Variants in GRID1 observed in about 807,000 individuals in gnomAD.
The protein encoded by GRID1 is glutamate receptor ionotropic, delta-1.
GRID1 carries 28 observed loss-of-function variants against 98.0 expected under a neutral mutation model. That is an observed-to-expected ratio of 0.29 (90% CI 0.21 to 0.39). The LOEUF is 0.39. Ranked by LOEUF, GRID1 falls within the 10% of genes least tolerant of loss-of-function variation. The pLI is 1.00. For synonymous variants in GRID1, 553 were observed against 538.5 expected, an observed-to-expected ratio of 1.03 and a Z score of -0.37; for missense variants, 1,111 against 1,340.5, an observed-to-expected ratio of 0.83 and a Z score of 2.67.
At chr10:86,270,560 C>T (rs763976598) in intron 2 of GRID1, among the ~76,000 whole-genome samples, 10 of 152,102 alleles carry the variant, frequency 6.6e-5, no homozygotes, top group Middle Eastern at 6.8e-3. Context: ...TGTGGTGGTG[C>T]GTGCCTGTAA....
intron 2 of GRID1, among the ~76,000 whole-genome samples, chr10:86,341,088 C>T (rs538864076): frequency 1.3e-5 from 2 of 152,302 alleles, no homozygotes; most frequent in South Asian, 2.1e-4. Flanking sequence ...TTTACCTCCT[C>T]CTGGGCACTT....
intron 12 of GRID1, among the ~76,000 whole-genome samples, chr10:85,697,124 T>C (rs778833120): frequency 6.6e-6 from 1 of 152,184 alleles, no homozygotes; most frequent in Non-Finnish European, 1.5e-5. Context: ...GTTCCATAAA[T>C]GTCAATTATG....
At chr10:85,693,059 A>G (rs186525314) in intron 12 of GRID1, among the ~76,000 whole-genome samples, 55 of 152,316 alleles carry the variant, frequency 3.6e-4, no homozygotes, top group East Asian at 1.9e-4. Flanking sequence ...TGTACTTACA[A>G]TATGGAGAAA....
At chr10:86,153,864 G>T (rs1240316254) in intron 3 of GRID1, among the ~76,000 whole-genome samples, 1 of 151,740 alleles carries the variant, frequency 6.6e-6, no homozygotes, top group South Asian at 2.1e-4. Context: ...TCTTGGGCCA[G>T]ATTACAAATG....
intron 5 of GRID1, among the ~76,000 whole-genome samples, chr10:85,874,390 A>C (rs1245453299): frequency 6.6e-6 from 1 of 152,068 alleles, no homozygotes; most frequent in Non-Finnish European, 1.5e-5. Context: ...TGACTTCCTA[A>C]TATTTGACAG....
At chr10:86,284,577 G>A (rs1847402454) in intron 2 of GRID1, among the ~76,000 whole-genome samples, 1 of 152,208 alleles carries the variant, frequency 6.6e-6, no homozygotes, top group Non-Finnish European at 1.5e-5. Flanking sequence ...GCTCCCAGGT[G>A]GGGGCCAACA....
At chr10:86,179,687 C>G (rs1209438461) in intron 3 of GRID1, among the ~76,000 whole-genome samples, 1 of 152,188 alleles carries the variant, frequency 6.6e-6, no homozygotes, top group Non-Finnish European at 1.5e-5. Context: ...CTCAGGGCCA[C>G]AGCCAATCAA....
chr10:86,120,582 C>T (rs1459502342), intron 4 of GRID1, among the ~76,000 whole-genome samples: 2 of 152,118 alleles, frequency 1.3e-5, no homozygotes, highest in African/African-American at 4.8e-5. Flanking sequence ...CAATCCAGGG[C>T]TTTTGTTCCT....
intron 2 of GRID1, among the ~76,000 whole-genome samples, chr10:86,260,085 G>A (rs1846992201): frequency 6.6e-6 from 1 of 152,222 alleles, no homozygotes; most frequent in African/African-American, 2.4e-5. Flanking sequence ...CTCACCCCAT[G>A]GAACACCTGT....
At chr10:86,123,604 C>A (rs976990523) in intron 4 of GRID1, among the ~76,000 whole-genome samples, 4 of 152,170 alleles carry the variant, frequency 2.6e-5, no homozygotes, top group South Asian at 2.1e-4. Context: ...AGCAGCCCTG[C>A]CTGATTCTCA....
intron 2 of GRID1, among the ~76,000 whole-genome samples, chr10:86,282,716 G>A (rs552330769): frequency 6.6e-6 from 1 of 152,150 alleles, no homozygotes; most frequent in East Asian, 1.9e-4. Context: ...AGGGATTGTG[G>A]CCCTTCCCTG....
intron 3 of GRID1, among the ~76,000 whole-genome samples, chr10:86,156,013 G>C (rs1232692462): frequency 1.3e-5 from 2 of 152,188 alleles, no homozygotes; most frequent in Admixed American, 1.3e-4. Context: ...CTTCCTAGCT[G>C]AGCACTGTCC....
At chr10:86,056,240 A>C (rs1843570587) in intron 4 of GRID1, among the ~76,000 whole-genome samples, 1 of 152,206 alleles carries the variant, frequency 6.6e-6, no homozygotes, top group South Asian at 2.1e-4. Flanking sequence ...CTTGGAGGGC[A>C]TTAACTCCAA....
chr10:85,921,157 A>G (rs1022459606), intron 4 of GRID1, among the ~76,000 whole-genome samples: 1 of 152,234 alleles, frequency 6.6e-6, no homozygotes, highest in Non-Finnish European at 1.5e-5. Flanking sequence ...GTACTGGCAC[A>G]TGAGACAGCT....
In GRID1 at chr10:85,663,527, T is replaced by C. The variant is rs113545035; in HGVS notation, c.1998-16130A>G. Among the ~76,000 whole-genome samples, 11 of 152,308 alleles carry C rather than the reference T, an allele frequency of 7.2e-5. 1 individual carries two copies. The highest frequency in any genetic ancestry group is 2.4e-4 in the African/African-American group (10 of 41,580). ...CTAAACCACTCAGTTTGTGACACTT[T>C]GTTCACAGTACCCCTAAGAAACTAA... On this transcript the variant is annotated intron_variant, in intron 12 of 15. Coordinates refer to ENST00000327946, the MANE Select transcript of GRID1 (RefSeq NM_017551.3).
intron 2 of GRID1, among the ~76,000 whole-genome samples, chr10:86,354,562 GC>G (rs1230044787): frequency 2.0e-5 from 3 of 152,216 alleles, no homozygotes; most frequent in Non-Finnish European, 4.4e-5. Flanking sequence ...CCCAAGGCAG[GC>G]CCATTTCACA....
At chr10:85,949,658 A>G (rs528538762) in intron 4 of GRID1, among the ~76,000 whole-genome samples, 49 of 152,316 alleles carry the variant, frequency 3.2e-4, no homozygotes, top group African/African-American at 1.2e-3. Flanking sequence ...TGGCATCTCC[A>G]AAGACTAACT....
chr10:85,938,461 G>C (rs1450963213), intron 4 of GRID1, among the ~76,000 whole-genome samples: 4 of 152,124 alleles, frequency 2.6e-5, no homozygotes, highest in Admixed American at 2.6e-4. Flanking sequence ...CTTACTATAT[G>C]CTGGGCAGTG....
At chr10:85,869,698 A>G (rs76462817) in intron 5 of GRID1, among the ~76,000 whole-genome samples, 9,086 of 152,264 alleles carry the variant, frequency 0.06, 307 homozygotes, top group Non-Finnish European at 0.071. Flanking sequence ...AAATCTACCT[A>G]TATCTCTGAA....
Sources: gnomAD v4.1 joint callset for allele counts (sites outside exome capture counted in the v4.1 genomes callset) on GRCh38, gnomAD v4.1.1 for gene constraint, MANE v1.5 for transcripts, NCBI Gene and HGNC (gene_info 2026-07-23, HGNC 2026-07-21) for gene names.